The following ARHGEF17 variants were observed in gnomAD, a reference collection of about 807,000 sequenced individuals.
ARHGEF17 encodes Rho guanine nucleotide exchange factor 17.
ARHGEF17 carries 80 observed loss-of-function variants against 174.0 expected under a neutral mutation model. The ratio of observed to expected loss-of-function variants is 0.46; its 90% CI spans 0.38 to 0.55. ARHGEF17 has a LOEUF of 0.55. ARHGEF17 is among the 20% of genes least tolerant of loss of function. The pLI is 0.00. For missense variants in ARHGEF17, 2,886 were observed against 2,839.7 expected (o/e 1.02, Z -0.37); for synonymous variants, 1,311 against 1,189.1 (o/e 1.10, Z -2.11).
rs2134426713 is a variant in ARHGEF17, at chr11:73,368,365, ACACACGTACG to A, written c.*591_*600del. 6.6e-6 allele frequency: 1 copy of A among 152,496 alleles called. No individual in the cohort carries two copies. Among genetic ancestry groups the A allele is most frequent in the East Asian group, 1.9e-4 (1 of 5,172 alleles). The allele number at this position is 152,496 out of a possible 1,614,324, so 9.4% of individuals were successfully genotyped here. A position where few individuals can be genotyped will look rare whatever the true frequency, so the allele number is the denominator to read the frequency against. On this transcript the variant is annotated 3_prime_UTR_variant, in exon 21 of 21. Coordinates refer to ENST00000263674, the MANE Select transcript of ARHGEF17 (RefSeq NM_014786.4). ...TGAGCCCCATTCCATTCATACAGACACACACGTACGCACACTGCATGTCCAAGGCCCTAAA... is the reference window on the plus strand; with the variant it reads ...TGAGCCCCATTCCATTCATACAGACACACACTGCATGTCCAAGGCCCTAAA...
chr11:73,336,430 C>G (rs529890793), intron 1 of ARHGEF17, among the ~76,000 whole-genome samples: 9 of 152,146 alleles, frequency 5.9e-5, no homozygotes, highest in Non-Finnish European at 1.2e-4. Flanking sequence ...GCAGTGGGTA[C>G]GGGGGTCCCT....
At chr11:73,347,488 G>A (rs1269338528) in intron 2 of ARHGEF17, among the ~76,000 whole-genome samples, 1 of 152,216 alleles carries the variant, frequency 6.6e-6, no homozygotes, top group Non-Finnish European at 1.5e-5. Flanking sequence ...GGTCAGGGAG[G>A]TTTCCTGGAG....
rs566779813 is a variant in ARHGEF17, at chr11:73,360,844, C to T, written c.4421-244C>T. Among the ~76,000 whole-genome samples the T allele has an allele frequency of 1.7e-4, 26 of 152,298 alleles. No individual in the cohort carries two copies. In the East Asian group the frequency reaches 4.8e-3, roughly 28 times the overall value. On this transcript the variant is annotated intron_variant, in intron 11 of 20. Coordinates refer to ENST00000263674, the MANE Select transcript of ARHGEF17 (RefSeq NM_014786.4). ...CTGAGCAGGGCTGGATCAGGGAAAG[C>T]GATTGATCAGGGTTCATGGCTTAGA...
At chr11:73,362,012 T>G (rs1011085371) in intron 12 of ARHGEF17, 28 bp from the exon 13 acceptor site, 1 of 1,602,820 alleles carries the variant, frequency 6.2e-7, no homozygotes, top group Non-Finnish European at 8.5e-7. Flanking sequence ...TCCATTCACC[T>G]TCTCCTGTCC....
chr11:73,352,318 C>T (rs951512405), intron 2 of ARHGEF17, among the ~76,000 whole-genome samples: 2 of 152,018 alleles, frequency 1.3e-5, no homozygotes, highest in Non-Finnish European at 2.9e-5. Flanking sequence ...AGCAAGACTT[C>T]GTCATAAAAT....
At position 73,362,467 on chromosome 11, in the gene ARHGEF17, A is replaced by C. The variant is rs764890939; in HGVS notation, c.4729A>C (p.Thr1577Pro). 4 of 1,588,144 alleles carry C rather than the reference A, an allele frequency of 2.5e-6. No homozygotes were observed. Among genetic ancestry groups the C allele is most frequent in the South Asian group, 1.1e-5 (1 of 89,648 alleles). ...PPPSLRSPPE[T>P]APEPAGPELD... ...TCCGTCGCTGAGGAGTCCTCCAGAGACGGCACCGGAGCCCGCCGGGCCGGA... is the reference window on the plus strand; with the variant it reads ...TCCGTCGCTGAGGAGTCCTCCAGAGCCGGCACCGGAGCCCGCCGGGCCGGA... Residue 1577 changes from threonine (T) to proline (P), a missense_variant, in exon 14 of 21, where the codon ACG becomes CCG. Transcript: ENST00000263674.
chr11:73,347,479 G>GTAACC (rs1865483528), intron 2 of ARHGEF17, among the ~76,000 whole-genome samples: 1 of 152,204 alleles, frequency 6.6e-6, no homozygotes, highest in East Asian at 1.9e-4. Flanking sequence ...TAAGCGTGGG[G>GTAACC]TCAGGGAGGT....
chr11:73,316,415 C>A (rs1444069647), intron 1 of ARHGEF17, among the ~76,000 whole-genome samples: 1 of 152,084 alleles, frequency 6.6e-6, no homozygotes, highest in Non-Finnish European at 1.5e-5. Context: ...TGGAGATATT[C>A]TGTGTCAGGG....
chr11:73,335,948 A>G (rs1489458341), intron 1 of ARHGEF17, among the ~76,000 whole-genome samples: 1 of 152,274 alleles, frequency 6.6e-6, no homozygotes, highest in Non-Finnish European at 1.5e-5. Flanking sequence ...GTATGTCAAG[A>G]GACCTGGTCT....
chr11:73,313,775 G>C (rs369250227), intron 1 of ARHGEF17, among the ~76,000 whole-genome samples: 31 of 152,208 alleles, frequency 2.0e-4, no homozygotes, highest in African/African-American at 7.0e-4. Context: ...TCCCTGTGTG[G>C]CCTAGGATCC....
intron 3 of ARHGEF17, among the ~76,000 whole-genome samples, chr11:73,353,553 G>T (rs183005435): frequency 2.0e-5 from 3 of 152,194 alleles, no homozygotes; most frequent in Non-Finnish European, 2.9e-5. Flanking sequence ...AGGAGAGTGC[G>T]TTGGTTACCC....
Position 73,355,933 on chromosome 11 carries a change from C to T in ARHGEF17, c.3643C>T (p.Arg1215Cys), listed in dbSNP as rs1276766339. The change falls in exon 5 of 21, where the codon CGC becomes TGC. Residue 1215 changes from arginine (R) to cysteine (C), a missense_variant. Transcript: ENST00000263674. Reference sequence around the variant, plus strand: ...GATCAAGCCTGTGCAGCGGATCCCACGCTACGAGCTTCTGGTGAAGGTGGG... The same window carrying T: ...GATCAAGCCTGTGCAGCGGATCCCATGCTACGAGCTTCTGGTGAAGGTGGG... ...LMIKPVQRIP[R>C]YELLVKDLLK... is the part of the protein sequence containing the mutation. 6.2e-6 allele frequency: 10 copies of T among 1,614,060 alleles called. No individual in the cohort carries two copies. The highest frequency in any genetic ancestry group is 5.9e-6 in the Non-Finnish European group (7 of 1,180,040).
At chr11:73,322,548 A>G (rs1865033781) in intron 1 of ARHGEF17, among the ~76,000 whole-genome samples, 1 of 152,206 alleles carries the variant, frequency 6.6e-6, no homozygotes, top group Non-Finnish European at 1.5e-5. Flanking sequence ...GTTCTTGAGA[A>G]GTGCAGTGAC....
intron 12 of ARHGEF17, among the ~76,000 whole-genome samples, chr11:73,361,412 C>T (rs984931239): frequency 6.6e-6 from 1 of 152,200 alleles, no homozygotes; most frequent in Admixed American, 6.5e-5. Flanking sequence ...GAAGTAGCTT[C>T]ATTTATGTGC....
At chr11:73,334,522 T>A (rs1865256917) in intron 1 of ARHGEF17, among the ~76,000 whole-genome samples, 1 of 152,168 alleles carries the variant, frequency 6.6e-6, no homozygotes, top group Admixed American at 6.5e-5. Flanking sequence ...ATAGAATTTC[T>A]GGCACTATGG....
At position 73,363,547 on chromosome 11, in the gene ARHGEF17, G is replaced by T; in HGVS notation, c.5246+92G>T. 3.3e-6 allele frequency: 5 copies of T among 1,534,622 alleles called. No individual in the cohort carries two copies. The South Asian group carries it at 5.0e-5, about 15-fold the overall frequency. On this transcript the variant is annotated intron_variant, in intron 15 of 20. Coordinates refer to ENST00000263674, the MANE Select transcript of ARHGEF17 (RefSeq NM_014786.4). ...TGGTCCCCTGGAGCCAAGGCAGGAG[G>T]GCTTTGGGTCACACCTCAGGGGTAC... is the stretch of plus-strand genomic sequence containing the variant.
intron 1 of ARHGEF17, among the ~76,000 whole-genome samples, chr11:73,321,092 C>T (rs1412700747): frequency 1.3e-5 from 2 of 152,216 alleles, no homozygotes; most frequent in Non-Finnish European, 2.9e-5. Flanking sequence ...CTGCTGGGCA[C>T]CTCTTTCCAG....
chr11:73,328,488 T>G (rs1865139562), intron 1 of ARHGEF17, among the ~76,000 whole-genome samples: 1 of 152,312 alleles, frequency 6.6e-6, no homozygotes, highest in African/African-American at 2.4e-5. Flanking sequence ...GGACTCACTT[T>G]GAAGCTCAAA....
chr11:73,320,297 TG>T, intron 1 of ARHGEF17, among the ~76,000 whole-genome samples: 1 of 152,096 alleles, frequency 6.6e-6, no homozygotes. Flanking sequence ...CTGTAGTCGA[TG>T]GGGGCAGTAT....
Sources: gnomAD v4.1 joint callset for allele counts (sites outside exome capture counted in the v4.1 genomes callset) on GRCh38, gnomAD v4.1.1 for gene constraint, MANE v1.5 for transcripts, NCBI Gene and HGNC (gene_info 2026-07-23, HGNC 2026-07-21) for gene names.